The following MYPOP variants were observed in gnomAD, a reference collection of about 807,000 sequenced individuals.
MYPOP encodes myb-related transcription factor, partner of profilin.
Under a neutral mutation model 25.7 loss-of-function variants are expected in MYPOP, and 21 were observed. The observed-to-expected ratio is 0.82, with a 90% CI of 0.58 to 1.18. The LOEUF is 1.18. Ranked by LOEUF, MYPOP falls within the 50% of genes most tolerant of loss-of-function variation. The pLI is 0.00. For synonymous variants in MYPOP, 280 were observed against 247.9 expected (o/e 1.13, Z -1.22); for missense variants, 566 against 588.3 (o/e 0.96, Z 0.39).
rs1967301274 is a variant in MYPOP, at chr19:45,901,816, G to A, written c.-43C>T. ...CCGTCCTGCCGTCTGGCGCATGGGG[G>A]GCGCCGGCGCTGCGGGCAAAGGGCG... On this transcript the variant is annotated 5_prime_UTR_variant, in exon 2 of 3. Transcript: ENST00000322217. The surrounding 1 kb of genome is among the most constrained non-coding windows in gnomAD (Gnocchi z 5.7). 2 of 1,340,380 alleles carry A rather than the reference G, an allele frequency of 1.5e-6. No individual in the cohort carries two copies. The highest frequency in any genetic ancestry group is 1.9e-6 in the Non-Finnish European group (2 of 1,047,718). 83.0% of individuals were successfully genotyped at this position (1,340,380 alleles called of 1,614,324 possible).
At chr19:45,897,539 C>T (rs1386843344) in intron 2 of MYPOP, among the ~76,000 whole-genome samples, 12 of 152,290 alleles carry the variant, frequency 7.9e-5, no homozygotes, top group African/African-American at 2.9e-4. Flanking sequence ...GGAGTCACAG[C>T]AGTGCCCCTG....
rs371161411 is a variant in MYPOP at position 45,890,698 on chromosome 19, C to A, written c.1125G>T (p.Pro375=). The change falls in exon 3 of 3, where the codon CCG becomes CCT. Residue 375 remains proline, a synonymous_variant. Coordinates refer to ENST00000322217, the MANE Select transcript of MYPOP (RefSeq NM_001012643.4). ...APRPPPAPLP[P]HDSPPHKRRK... Reference sequence around the variant, plus strand: ...TCCGCTTGTGTGGGGGGGAGTCGTGCGGAGGGAGCGGGGCTGGGGGGGGCC... The same window carrying A: ...TCCGCTTGTGTGGGGGGGAGTCGTGAGGAGGGAGCGGGGCTGGGGGGGGCC... 226 of 595,516 alleles carry A rather than the reference C, an allele frequency of 3.8e-4. No individual in the cohort carries two copies. The highest frequency in any genetic ancestry group is 5.5e-4 in the Non-Finnish European group (215 of 391,296). 36.9% of individuals were successfully genotyped at this position (595,516 alleles called of 1,614,324 possible). A position where few individuals can be genotyped will look rare whatever the true frequency, so the allele number is the denominator to read the frequency against.
rs752923620 is a variant in MYPOP at position 45,890,813 on chromosome 19, G to T, written c.1010C>A (p.Pro337His). 4.1e-6 allele frequency: 6 copies of T among 1,471,540 alleles called. No individual in the cohort carries two copies. The East Asian group carries it at 1.2e-4, about 30-fold the overall frequency. The allele number at this position is 1,471,540 out of a possible 1,614,324, so 91.2% of individuals were successfully genotyped here. Reference protein sequence around the residue: ...PAPKVEITPEPVSVVAAVVDG... With the variant: ...PAPKVEITPEHVSVVAAVVDG... The stretch of plus-strand genomic sequence containing the variant: ...CACCACAGCAGCCACCACGGACACG[G>T]GCTCTGGGGTGATCTCCACCTTGGG... The change falls in exon 3 of 3, where the codon CCC becomes CAC. Residue 337 changes from proline (P) to histidine (H), a missense_variant. Pro to His is a moderately conservative substitution (Grantham distance 77, BLOSUM62 -2). Transcript: ENST00000322217.
chr19:45,890,564 C>T lies in MYPOP; in HGVS notation c.*59G>A, dbSNP rs1340363639. ...GCTGGGATGGGCAGAGAGCATCGCC[C>T]CCCTCGACTGCGCCAAGCTGGGGAG... On this transcript the variant is annotated 3_prime_UTR_variant, in exon 3 of 3. Coordinates refer to ENST00000322217, the MANE Select transcript of MYPOP (RefSeq NM_001012643.4). 1 of 1,589,786 alleles carries T rather than the reference C, an allele frequency of 6.3e-7. No individual in the cohort carries two copies. Among genetic ancestry groups the T allele is most frequent in the Non-Finnish European group, 8.6e-7 (1 of 1,166,722 alleles).
At position 45,890,466 on chromosome 19, in the gene MYPOP, C is replaced by G. The variant is rs866256958; in HGVS notation, c.*157G>C. 458 of 1,272,280 alleles carry G rather than the reference C, an allele frequency of 3.6e-4. 4 individuals are homozygous for G. In the Middle Eastern group the frequency reaches 0.013, roughly 35 times the overall value. The allele number at this position is 1,272,280 out of a possible 1,614,324, so 78.8% of individuals were successfully genotyped here. On this transcript the variant is annotated 3_prime_UTR_variant, in exon 3 of 3. Coordinates refer to ENST00000322217, the MANE Select transcript of MYPOP (RefSeq NM_001012643.4). ...TTGGGGGGGCCCATTACTGAGGCCC[C>G]CCCCAGAGAATCAGGCACTAACTAG...
chr19:45,890,713 T>TGGGGGGGGGGGGGGGGGGGG lies in MYPOP; in HGVS notation c.1109_1110insCCCCCCCCCCCCCCCCCCCC (p.Ala371ProfsTer42). 3.8e-6 allele frequency: 1 copy of TGGGGGGGGGGGGGGGGGGGG among 264,894 alleles called. No individual in the cohort carries two copies. Among genetic ancestry groups the TGGGGGGGGGGGGGGGGGGGG allele is most frequent in the South Asian group, 3.6e-5 (1 of 27,450 alleles). 16.4% of individuals were successfully genotyped at this position (264,894 alleles called of 1,614,324 possible). Reference sequence around the variant, plus strand: ...GGGAGTCGTGCGGAGGGAGCGGGGCTGGGGGGGGCCGGGGTGCCCCCTCCT... The same window carrying TGGGGGGGGGGGGGGGGGGGG: ...GGGAGTCGTGCGGAGGGAGCGGGGCTGGGGGGGGGGGGGGGGGGGGGGGGGGGGCCGGGGTGCCCCCTCCT... On this transcript the variant is annotated frameshift_variant, in exon 3 of 3. Coordinates refer to ENST00000322217, the MANE Select transcript of MYPOP (RefSeq NM_001012643.4). LOFTEE classifies it high-confidence loss of function.
chr19:45,890,864 G>T lies in MYPOP; in HGVS notation c.959C>A (p.Pro320His). 1 of 1,432,910 alleles carries T rather than the reference G, an allele frequency of 7.0e-7. No homozygotes were observed. 88.8% of individuals were successfully genotyped at this position (1,432,910 alleles called of 1,614,324 possible). ...LPPPPPPPPPPRPVLPPPAPK... is the reference protein window; with the variant it reads ...LPPPPPPPPPHRPVLPPPAPK... ...GGCCGGTGGGGGCAGGACAGGCCTG[G>T]GAGGTGGCGGTGGGGGTGGGGGTGG... Residue 320 changes from proline (P) to histidine (H), a missense_variant, in exon 3 of 3, where the codon CCC (proline) becomes CAC (histidine). Transcript: ENST00000322217.
Position 45,890,308 on chromosome 19 carries a change from G to C in MYPOP, c.*315C>G. The C allele has an allele frequency of 3.5e-6, 1 of 284,006 alleles. No homozygotes were observed. The highest frequency in any genetic ancestry group is 6.6e-6 in the Non-Finnish European group (1 of 151,510). 17.6% of individuals were successfully genotyped at this position (284,006 alleles called of 1,614,324 possible). On this transcript the variant is annotated 3_prime_UTR_variant, in exon 3 of 3. Transcript: ENST00000322217. ...GTCAAGAACAGGAACTGTTAGGGAA[G>C]GGGAGATGTGCAGACCCGAGAGGTT... is the stretch of plus-strand genomic sequence containing the variant.
At chr19:45,891,864 C>A (rs1600564667) in intron 2 of MYPOP, among the ~76,000 whole-genome samples, 2 of 152,138 alleles carry the variant, frequency 1.3e-5, no homozygotes, top group East Asian at 3.9e-4. Context: ...CCTGGAAGTC[C>A]CTTGCTAGGC....
chr19:45,901,868 C>A lies in MYPOP; in HGVS notation c.-52-43G>T. 1.9e-6 allele frequency: 2 copies of A among 1,042,360 alleles called. No homozygotes were observed. The highest frequency in any genetic ancestry group is 2.5e-6 in the Non-Finnish European group (2 of 814,276). The allele number at this position is 1,042,360 out of a possible 1,614,324, so 64.6% of individuals were successfully genotyped here. On this transcript the variant is annotated intron_variant, in intron 1 of 2. Coordinates refer to ENST00000322217, the MANE Select transcript of MYPOP (RefSeq NM_001012643.4). This position sits in a 1 kb window ranked among gnomAD's most constrained non-coding sequence, Gnocchi z 5.7. Reference sequence around the variant, plus strand: ...ACGGGGCTGGCTGGGGTTCGGGGTCCCCCCGCCGCCGCCTCTCCCAGACCG... The same window carrying A: ...ACGGGGCTGGCTGGGGTTCGGGGTCACCCCGCCGCCGCCTCTCCCAGACCG...
At chr19:45,893,726 G>A (rs1486936411) in intron 2 of MYPOP, among the ~76,000 whole-genome samples, 2 of 151,866 alleles carry the variant, frequency 1.3e-5, no homozygotes, top group Non-Finnish European at 2.9e-5. Context: ...ATTGATCGTG[G>A]TGATGGTTGC....
chr19:45,901,019 G>A lies in MYPOP; in HGVS notation c.499+256C>T, dbSNP rs1967280718. ...GTCACTACTCGACACTGCATTTAAT[G>A]AAATCCTGCCTGTGCTGATGACCCC... On this transcript the variant is annotated intron_variant, in intron 2 of 2. Coordinates refer to ENST00000322217, the MANE Select transcript of MYPOP (RefSeq NM_001012643.4). This position sits in a 1 kb window ranked among gnomAD's most constrained non-coding sequence, Gnocchi z 5.7. Among the ~76,000 whole-genome samples the A allele has an allele frequency of 6.6e-6, 1 of 152,178 alleles. No homozygotes were observed. Among genetic ancestry groups the A allele is most frequent in the Non-Finnish European group, 1.5e-5 (1 of 68,032 alleles).
At position 45,901,843 on chromosome 19, in the gene MYPOP, A is replaced by G. The variant is rs1451991504; in HGVS notation, c.-52-18T>C. ...CGCCGGCGCTGCGGGCAAAGGGCGC[A>G]CGGGGCTGGCTGGGGTTCGGGGTCC... On this transcript the variant is annotated intron_variant, in intron 1 of 2. Coordinates refer to ENST00000322217, the MANE Select transcript of MYPOP (RefSeq NM_001012643.4). The surrounding 1 kb of genome is among the most constrained non-coding windows in gnomAD (Gnocchi z 5.7). The G allele has an allele frequency of 1.6e-6, 2 of 1,263,496 alleles. No individual in the cohort carries two copies. The highest frequency in any genetic ancestry group is 2.0e-6 in the Non-Finnish European group (2 of 987,540). 78.3% of individuals were successfully genotyped at this position (1,263,496 alleles called of 1,614,324 possible).
rs1351252712 is a variant in MYPOP at position 45,901,357 on chromosome 19, G to A, written c.417C>T (p.Ala139=). Residue 139 remains alanine (A), a synonymous_variant, in exon 2 of 3, where the codon GCC becomes GCT. Transcript: ENST00000322217. This position sits in a 1 kb window ranked among gnomAD's most constrained non-coding sequence, Gnocchi z 5.7. ...TTGGGGGCGGCGGCTGTGAAGAGGGGGCCGCAGGGGGCTCCTCCGCCCCAG... is the reference window on the plus strand; with the variant it reads ...TTGGGGGCGGCGGCTGTGAAGAGGGAGCCGCAGGGGGCTCCTCCGCCCCAG... ...AGAGAEEPPA[A]PSSQPPPPSA... 8.2e-6 allele frequency: 12 copies of A among 1,464,794 alleles called. No homozygotes were observed. The highest frequency in any genetic ancestry group is 5.4e-5 in the Admixed American group (2 of 36,810). 90.7% of individuals were successfully genotyped at this position (1,464,794 alleles called of 1,614,324 possible). A position where few individuals can be genotyped will look rare whatever the true frequency, so the allele number is the denominator to read the frequency against.
chr19:45,891,329 GA>G lies in MYPOP; in HGVS notation c.500-7del, dbSNP rs747667422. On this transcript the variant is annotated splice_polypyrimidine_tract_variant and splice_region_variant and intron_variant, in intron 2 of 2. Coordinates refer to ENST00000322217, the MANE Select transcript of MYPOP (RefSeq NM_001012643.4). ...CTTGCTGTGGGCTGATGTATCTGTA[GA>G]GAGAGAAATACAGGTAAGGGGTGAG... 2 of 1,491,352 alleles carry G rather than the reference GA, an allele frequency of 1.3e-6. No individual in the cohort carries two copies. 92.4% of individuals were successfully genotyped at this position (1,491,352 alleles called of 1,614,324 possible).
intron 2 of MYPOP, among the ~76,000 whole-genome samples, chr19:45,892,759 C>T (rs1169888722): frequency 2.0e-5 from 3 of 152,150 alleles, no homozygotes; most frequent in Non-Finnish European, 4.4e-5. Flanking sequence ...CTTCTTTCTT[C>T]CTGGTCCCCC....
chr19:45,898,301 T>C (rs532131133), intron 2 of MYPOP, among the ~76,000 whole-genome samples: 1 of 152,076 alleles, frequency 6.6e-6, no homozygotes, highest in South Asian at 2.1e-4. Context: ...TGAGCCACCA[T>C]GCCAGGCCTG....
At position 45,890,876 on chromosome 19, in the gene MYPOP, G is replaced by T; in HGVS notation, c.947C>A (p.Pro316Gln). 1 of 1,422,678 alleles carries T rather than the reference G, an allele frequency of 7.0e-7. No individual in the cohort carries two copies. Among genetic ancestry groups the T allele is most frequent in the Non-Finnish European group, 9.2e-7 (1 of 1,088,750 alleles). 88.1% of individuals were successfully genotyped at this position (1,422,678 alleles called of 1,614,324 possible). Residue 316 changes from proline to glutamine, a missense_variant, in exon 3 of 3, where the codon CCA becomes CAA. Coordinates refer to ENST00000322217, the MANE Select transcript of MYPOP (RefSeq NM_001012643.4). ...CAGGACAGGCCTGGGAGGTGGCGGT[G>T]GGGGTGGGGGTGGGGGCAGAGGTGG... ...LPPPLPPPPPPPPPPRPVLPP... is the reference protein window; with the variant it reads ...LPPPLPPPPPQPPPPRPVLPP...
In MYPOP at chr19:45,901,514, G is replaced by T; in HGVS notation, c.260C>A (p.Thr87Asn). Residue 87 changes from threonine (T) to asparagine (N), a missense_variant, in exon 2 of 3, where the codon ACC becomes AAC. Transcript: ENST00000322217. This position sits in a 1 kb window ranked among gnomAD's most constrained non-coding sequence, Gnocchi z 5.7. ...CGGCACGCGAGCGAGCTTCTCCTTG[G>T]TGCGGCGCTTGAAGTCGTTCCAGCG... is the stretch of plus-strand genomic sequence containing the variant. ...QKRWNDFKRR[T>N]KEKLARVPHS... 1 of 1,611,698 alleles carries T rather than the reference G, an allele frequency of 6.2e-7. No homozygotes were observed. The highest frequency in any genetic ancestry group is 8.5e-7 in the Non-Finnish European group (1 of 1,179,428).
Sources: gnomAD v4.1 joint callset for allele counts (sites outside exome capture counted in the v4.1 genomes callset) on GRCh38, gnomAD v4.1.1 for gene constraint, Gnocchi (gnomAD v3.1) non-coding constraint, MANE v1.5 for transcripts, NCBI Gene and HGNC (gene_info 2026-07-23, HGNC 2026-07-21) for gene names.